The following SESN3 variants were observed in gnomAD, a reference collection of about 807,000 sequenced individuals.
The protein encoded by SESN3 is sestrin-3.
Under a neutral mutation model 55.3 loss-of-function variants are expected in SESN3, and 21 were observed. That is an observed-to-expected ratio of 0.38 (90% confidence interval 0.27 to 0.55). The LOEUF (loss-of-function observed/expected upper bound fraction) is 0.55, where lower values mean the gene tolerates loss of function less well. SESN3 is among the 20% of genes least tolerant of loss of function. SESN3 has a pLI of 0.76. For synonymous variants in SESN3, 181 were observed against 203.1 expected (o/e 0.89, Z 0.93); for missense variants, 408 against 604.3 (o/e 0.68, Z 3.41).
At chr11:95,180,148 A>G (rs1186954209) in intron 6 of SESN3, among the ~76,000 whole-genome samples, 4 of 152,186 alleles carry the variant, frequency 2.6e-5, no homozygotes, top group African/African-American at 9.6e-5. Flanking sequence ...CAATATTTTC[A>G]TTATAAGTAT....
At chr11:95,185,220 C>A in intron 5 of SESN3, 36 bp downstream of exon 5, 1 of 1,300,214 alleles carries the variant, frequency 7.7e-7, no homozygotes, top group South Asian at 1.2e-5. Context: ...AAGTTTAAAG[C>A]AAAAATAGTA....
At position 95,185,474 on chromosome 11, in the gene SESN3, C is replaced by T; in HGVS notation, c.544G>A (p.Glu182Lys). 6.2e-7 allele frequency: 1 copy of T among 1,610,826 alleles called. No homozygotes were observed. The highest frequency in any genetic ancestry group is 1.1e-5 in the South Asian group (1 of 90,922). Residue 182 changes from glutamate (E) to lysine (K), a missense_variant, in exon 5 of 10, where the codon GAA becomes AAA. This residue lies in a region of SESN3 where 107 missense variants were observed against 211.3 expected (regional missense o/e 0.51). Transcript: ENST00000536441. ...EHIQKLVKTG[E>K]NNWSLPELVH... ...AGTTCAGGCAGAGACCAATTATTTTCTCCAGTTTTGACAAGTTTCTGAAAT... is the reference window on the plus strand; with the variant it reads ...AGTTCAGGCAGAGACCAATTATTTTTTCCAGTTTTGACAAGTTTCTGAAAT...
intron 1 of SESN3, among the ~76,000 whole-genome samples, chr11:95,221,736 G>A (rs1860862915): frequency 6.6e-6 from 1 of 152,138 alleles, no homozygotes; most frequent in Admixed American, 6.5e-5. Flanking sequence ...CTTATTAGAA[G>A]TGTTGGGCAG....
At position 95,230,945 on chromosome 11, in the gene SESN3, C is replaced by T. The variant is rs934272007; in HGVS notation, c.-85G>A. ...GCCACTGCAGGGCCGGTCCGTCCCC[C>T]CGCCGCCAGCCGCGATTCCGCCTCA... is the stretch of plus-strand genomic sequence containing the variant. On this transcript the variant is annotated 5_prime_UTR_variant, in exon 1 of 10. Coordinates refer to ENST00000536441, the MANE Select transcript of SESN3 (RefSeq NM_144665.4). This position sits in a 1 kb window ranked among gnomAD's most constrained non-coding sequence, Gnocchi z 4.6. The T allele has an allele frequency of 1.1e-5, 9 of 832,210 alleles. No individual in the cohort carries two copies. Among genetic ancestry groups the T allele is most frequent in the Non-Finnish European group, 1.2e-5 (7 of 590,382 alleles). 51.6% of individuals were successfully genotyped at this position (832,210 alleles called of 1,614,324 possible).
chr11:95,206,963 T>A lies in SESN3; in HGVS notation c.79-13441A>T, dbSNP rs1232897853. 5.9e-5 allele frequency among the ~76,000 whole-genome samples: 9 copies of A among 152,048 alleles called. No individual in the cohort carries two copies. In the East Asian group the frequency reaches 1.7e-3, roughly 29 times the overall value. The stretch of plus-strand genomic sequence containing the variant: ...GAGGCATTTTTTTTTGTATTTCTAG[T>A]AGAGACGGGGTTTCACCATCTTGGC... On this transcript the variant is annotated intron_variant, in intron 1 of 9. Coordinates refer to ENST00000536441, the MANE Select transcript of SESN3 (RefSeq NM_144665.4).
intron 1 of SESN3, among the ~76,000 whole-genome samples, chr11:95,216,093 A>G (rs1860750789): frequency 7.3e-6 from 1 of 137,246 alleles, no homozygotes; most frequent in Non-Finnish European, 1.6e-5. Context: ...GAGAGACTCC[A>G]TCTCAAAAAA....
At chr11:95,206,603 C>G (rs1294831446) in intron 1 of SESN3, among the ~76,000 whole-genome samples, 5 of 152,104 alleles carry the variant, frequency 3.3e-5, no homozygotes, top group Non-Finnish European at 7.4e-5. Flanking sequence ...TATCTCCTCC[C>G]ATTTTCCAGA....
intron 1 of SESN3, among the ~76,000 whole-genome samples, chr11:95,227,036 A>C (rs1336984205): frequency 6.6e-6 from 1 of 152,248 alleles, no homozygotes; most frequent in African/African-American, 2.4e-5. Context: ...TATGTAACAC[A>C]AGAAAACTGA....
At chr11:95,223,586 A>G (rs893467821) in intron 1 of SESN3, among the ~76,000 whole-genome samples, 25 of 152,338 alleles carry the variant, frequency 1.6e-4, no homozygotes, top group African/African-American at 5.5e-4. Flanking sequence ...TTACTGTGGT[A>G]ATAGAGAAGC....
chr11:95,184,014 G>A (rs1860113002), intron 6 of SESN3: 1 of 210,216 alleles, frequency 4.8e-6, no homozygotes, highest in South Asian at 1.7e-4. Context: ...GCAGCAGTGT[G>A]AGAATAATCT....
intron 1 of SESN3, among the ~76,000 whole-genome samples, chr11:95,195,963 G>A (rs909335221): frequency 1.3e-5 from 2 of 152,198 alleles, no homozygotes; most frequent in African/African-American, 2.4e-5. Context: ...TTCTTAAGCA[G>A]AGATGTGGAT....
At chr11:95,224,554 ATG>A (rs1860915345) in intron 1 of SESN3, 2 of 393,074 alleles carry the variant, frequency 5.1e-6, no homozygotes, top group Non-Finnish European at 9.8e-6. Context: ...TATTGGCTCA[ATG>A]AGTTATGTAA....
intron 1 of SESN3, among the ~76,000 whole-genome samples, chr11:95,198,633 G>A (rs1307247225): frequency 6.6e-6 from 1 of 152,080 alleles, no homozygotes; most frequent in Non-Finnish European, 1.5e-5. Flanking sequence ...ACCAAAACAA[G>A]TCCTTGAGTT....
intron 1 of SESN3, among the ~76,000 whole-genome samples, chr11:95,220,640 T>C (rs1250178240): frequency 6.6e-6 from 1 of 152,190 alleles, no homozygotes; most frequent in African/African-American, 2.4e-5. Context: ...ATCACTCCTA[T>C]AAACTCTTGA....
intron 1 of SESN3, among the ~76,000 whole-genome samples, chr11:95,196,471 A>T (rs983143830): frequency 2.0e-5 from 3 of 150,760 alleles, no homozygotes; most frequent in African/African-American, 4.9e-5. Flanking sequence ...TTTTTTTTTT[A>T]AGATAAGACC....
At chr11:95,207,014 C>T (rs556356657) in intron 1 of SESN3, among the ~76,000 whole-genome samples, 16 of 152,076 alleles carry the variant, frequency 1.1e-4, no homozygotes, top group African/African-American at 3.4e-4. Flanking sequence ...CTCCTGACCT[C>T]GTGATCCACC....
intron 1 of SESN3, among the ~76,000 whole-genome samples, chr11:95,218,745 G>T (rs1043395519): frequency 4.0e-5 from 6 of 151,376 alleles, no homozygotes; most frequent in African/African-American, 1.5e-4. Flanking sequence ...CCGCCTCCCG[G>T]GTTCACGGCA....
chr11:95,183,681 CAAAAAAAA>C (rs34308912), intron 6 of SESN3, among the ~76,000 whole-genome samples: 1 of 93,244 alleles, frequency 1.1e-5, no homozygotes, highest in African/African-American at 4.1e-5. Flanking sequence ...GACTCTGTCT[CAAAAAAAA>C]AAAAAAAAAA....
chr11:95,177,941 T>TAATTACAA, intron 7 of SESN3, 32 bp from the exon 8 acceptor site: 2 of 1,425,038 alleles, frequency 1.4e-6, no homozygotes, highest in Non-Finnish European at 1.9e-6. Context: ...AATTACAAAG[T>TAATTACAA]GGGCATTTTC....
Sources: gnomAD v4.1 joint callset for allele counts (sites outside exome capture counted in the v4.1 genomes callset) on GRCh38, gnomAD v4.1.1 for gene constraint, gnomAD v4.1.1 regional missense constraint, Gnocchi (gnomAD v3.1) non-coding constraint, MANE v1.5 for transcripts, NCBI Gene and HGNC (gene_info 2026-07-23, HGNC 2026-07-21) for gene names.